Variants in GABRG1 observed in about 807,000 individuals in gnomAD.
GABRG1 encodes the protein gamma-aminobutyric acid type A receptor subunit gamma1, also known as gamma-aminobutyric acid receptor subunit gamma-1.
In GABRG1, 49 loss-of-function variants were observed where a neutral mutation model predicts 49.8. That is an observed-to-expected ratio of 0.98 (90% CI 0.78 to 1.25). The LOEUF is 1.25. Ranked by LOEUF, GABRG1 falls within the 50% of genes most tolerant of loss-of-function variation. GABRG1 has a pLI of 0.00. For missense variants in GABRG1, 552 were observed against 552.3 expected (o/e 1.00, Z 0.01); for synonymous variants, 232 against 185.1 (o/e 1.25, Z -2.06).
At chr4:46,069,802 A>T (rs573256123) in intron 3 of GABRG1, among the ~76,000 whole-genome samples, 1 of 152,138 alleles carries the variant, frequency 6.6e-6, no homozygotes, top group Non-Finnish European at 1.5e-5. Context: ...GAACATATAC[A>T]TCATAAAATT....
At chr4:46,118,301 T>TA (rs1213205555) in intron 1 of GABRG1, among the ~76,000 whole-genome samples, 1 of 150,160 alleles carries the variant, frequency 6.7e-6, no homozygotes, top group Non-Finnish European at 1.5e-5. Context: ...TAGATGTATA[T>TA]ATATCTTTCC....
intron 1 of GABRG1, among the ~76,000 whole-genome samples, chr4:46,105,225 C>A (rs1720494187): frequency 6.6e-6 from 1 of 151,286 alleles, no homozygotes; most frequent in Non-Finnish European, 1.5e-5. Flanking sequence ...GATCAACAAA[C>A]AGATGCACCA....
Position 46,040,916 on chromosome 4 carries a change from A to C in GABRG1, c.*72T>G. The C allele has an allele frequency of 7.0e-7, 1 of 1,436,086 alleles. No homozygotes were observed. The allele number at this position is 1,436,086 out of a possible 1,614,324, so 89.0% of individuals were successfully genotyped here. On this transcript the variant is annotated 3_prime_UTR_variant, in exon 9 of 9. Coordinates refer to ENST00000295452, the MANE Select transcript of GABRG1 (RefSeq NM_173536.4). ...TCTCTGCATTTTAAATTTAAACTTC[A>C]AGTTACTGAAGCACAAAAGATTCTA... is the stretch of plus-strand genomic sequence containing the variant.
chr4:46,044,166 C>G (rs2109392661), intron 8 of GABRG1, among the ~76,000 whole-genome samples: 1 of 152,070 alleles, frequency 6.6e-6, no homozygotes, highest in South Asian at 2.1e-4. Flanking sequence ...ATTATACCAT[C>G]AACATTAAAA....
intron 3 of GABRG1, among the ~76,000 whole-genome samples, chr4:46,080,515 C>G (rs1468536560): frequency 2.0e-5 from 3 of 151,648 alleles, no homozygotes; most frequent in Non-Finnish European, 4.4e-5. Flanking sequence ...GTTTCAATAG[C>G]AATTTTATTT....
chr4:46,047,849 T>G (rs960044645), intron 8 of GABRG1, among the ~76,000 whole-genome samples: 1 of 152,014 alleles, frequency 6.6e-6, no homozygotes, highest in Non-Finnish European at 1.5e-5. Flanking sequence ...TGCGATGCAT[T>G]TTTTCACAAC....
chr4:46,087,216 G>A (rs1015097285), intron 2 of GABRG1, among the ~76,000 whole-genome samples: 13 of 151,198 alleles, frequency 8.6e-5, no homozygotes, highest in Non-Finnish European at 1.9e-4. Flanking sequence ...TTCTATATGT[G>A]GTGAAATTCA....
Position 46,064,992 on chromosome 4 carries a change from T to C in GABRG1, c.542+372A>G, listed in dbSNP as rs552984471. 2.6e-5 allele frequency among the ~76,000 whole-genome samples: 4 copies of C among 152,252 alleles called. No individual in the cohort carries two copies. In the East Asian group the frequency reaches 7.7e-4, roughly 29 times the overall value. ...CATCAACCTTCATTTAATCCTTTCTTAGGGATGTTTTACTACACCATTGAA... is the reference window on the plus strand; with the variant it reads ...CATCAACCTTCATTTAATCCTTTCTCAGGGATGTTTTACTACACCATTGAA... On this transcript the variant is annotated intron_variant, in intron 4 of 8. Transcript: ENST00000295452.
intron 7 of GABRG1, among the ~76,000 whole-genome samples, chr4:46,056,167 A>T (rs1718435332): frequency 2.8e-5 from 1 of 35,226 alleles, no homozygotes; most frequent in South Asian, 4.8e-4. Context: ...AAAAAAAAAA[A>T]AAAAAAAAAA....
At chr4:46,085,087 A>AT (rs544133560) in intron 2 of GABRG1, among the ~76,000 whole-genome samples, 248 of 149,864 alleles carry the variant, frequency 1.7e-3, no homozygotes, top group South Asian at 4.0e-3. Context: ...ATAATAAGAG[A>AT]TTTTTTTTTT....
chr4:46,123,847 A>G lies in GABRG1; in HGVS notation c.67T>C (p.Leu23=), dbSNP rs1335834520. The G allele has an allele frequency of 6.2e-7, 1 of 1,613,700 alleles. No individual in the cohort carries two copies. The highest frequency in any genetic ancestry group is 8.5e-7 in the Non-Finnish European group (1 of 1,179,768). ...LLRSQSRGVR[L]VFLLLTLHLG... ...TGCAGGGTCAGTAACAAGAAGACCA[A>G]CCTCACCCCTCTACTTTGACTCCGC... The change falls in exon 1 of 9, where the codon TTG becomes CTG. Residue 23 remains leucine (L), a synonymous_variant. Transcript: ENST00000295452.
At chr4:46,041,505 T>C (rs1265698364) in intron 8 of GABRG1, among the ~76,000 whole-genome samples, 3 of 151,978 alleles carry the variant, frequency 2.0e-5, no homozygotes, top group Non-Finnish European at 4.4e-5. Context: ...ATTTAGAAAG[T>C]TGACTCACCA....
intron 7 of GABRG1, among the ~76,000 whole-genome samples, chr4:46,057,003 T>C (rs1283360458): frequency 1.3e-5 from 2 of 152,132 alleles, no homozygotes; most frequent in Non-Finnish European, 2.9e-5. Flanking sequence ...CAAATTCTTT[T>C]AGAAACTTCC....
intron 1 of GABRG1, among the ~76,000 whole-genome samples, chr4:46,115,910 A>G (rs1720869171): frequency 2.7e-5 from 4 of 150,742 alleles, no homozygotes; most frequent in East Asian, 3.9e-4. Flanking sequence ...TAAAAAATTA[A>G]TTGGTACGGT....
At chr4:46,043,636 G>T (rs1028717863) in intron 8 of GABRG1, among the ~76,000 whole-genome samples, 1 of 151,714 alleles carries the variant, frequency 6.6e-6, no homozygotes, top group Admixed American at 6.6e-5. Flanking sequence ...AATAGACCCT[G>T]CCTTCCCCAA....
intron 2 of GABRG1, among the ~76,000 whole-genome samples, chr4:46,091,931 T>G (rs922970430): frequency 1.3e-5 from 2 of 152,022 alleles, no homozygotes; most frequent in African/African-American, 4.8e-5. Flanking sequence ...TGTCCAGAGA[T>G]AAAATACATT....
In GABRG1 at chr4:46,045,557, AT is replaced by A. The variant is rs958125631; in HGVS notation, c.1132-4304del. ...CACAGAAAATGTACGACTCCTTAAGATTTTTTTTTCACTGTAAAAAAACAAG... is the reference window on the plus strand; with the variant it reads ...CACAGAAAATGTACGACTCCTTAAGATTTTTTTTCACTGTAAAAAAACAAG... On this transcript the variant is annotated intron_variant, in intron 8 of 8. Transcript: ENST00000295452. Among the ~76,000 whole-genome samples the A allele has an allele frequency of 6.4e-4, 97 of 151,264 alleles. No homozygotes were observed. In the Middle Eastern group the frequency reaches 0.017, roughly 27 times the overall value.
intron 1 of GABRG1, among the ~76,000 whole-genome samples, chr4:46,122,674 G>C (rs573529260): frequency 1.8e-4 from 27 of 152,008 alleles, no homozygotes; most frequent in African/African-American, 5.5e-4. Context: ...TGCTGGTGTG[G>C]CAAAAAAATT....
chr4:46,043,827 G>A (rs1717878576), intron 8 of GABRG1, among the ~76,000 whole-genome samples: 1 of 151,532 alleles, frequency 6.6e-6, no homozygotes, highest in Non-Finnish European at 1.5e-5. Flanking sequence ...TCACTATTAA[G>A]GATATATCTC....
Sources: gnomAD v4.1 joint callset for allele counts (sites outside exome capture counted in the v4.1 genomes callset) on GRCh38, gnomAD v4.1.1 for gene constraint, MANE v1.5 for transcripts, NCBI Gene and HGNC (gene_info 2026-07-23, HGNC 2026-07-21) for gene names.